The following CEACAM21 variants were observed in gnomAD, a reference collection of about 807,000 sequenced individuals.
The protein encoded by CEACAM21 is cell adhesion molecule CEACAM21.
CEACAM21 carries 38 observed loss-of-function variants against 33.2 expected under a neutral mutation model. The observed-to-expected ratio is 1.14, with a 90% CI of 0.88 to 1.50. The LOEUF is 1.50. CEACAM21 is among the 40% of genes most tolerant of loss of function. The pLI is 0.00. For missense variants in CEACAM21, 385 were observed against 364.6 expected, an observed-to-expected ratio of 1.06 and a Z score of -0.46; for synonymous variants, 156 against 143.0, an observed-to-expected ratio of 1.09 and a Z score of -0.65.
intron 1 of CEACAM21, among the ~76,000 whole-genome samples, chr19:41,559,536 G>A (rs957588703): frequency 4.6e-5 from 7 of 151,808 alleles, no homozygotes; most frequent in African/African-American, 1.7e-4. Context: ...GTTTCAAACA[G>A]GAAAAGAAAT....
chr19:41,582,321 C>T (rs1302518547), intron 3 of CEACAM21, among the ~76,000 whole-genome samples: 5 of 152,230 alleles, frequency 3.3e-5, no homozygotes, highest in African/African-American at 1.2e-4. Context: ...CATAGGCTGG[C>T]GTTGAGTGTC....
intron 6 of CEACAM21, 34 bp from the exon 7 acceptor site, chr19:41,586,430 C>T (rs2070741188): frequency 1.6e-6 from 1 of 629,172 alleles, no homozygotes; most frequent in African/African-American, 1.8e-5. Context: ...CTGAGAAGGC[C>T]TCAGGGGTCA....
intron 1 of CEACAM21, among the ~76,000 whole-genome samples, chr19:41,563,803 C>G (rs565857082): frequency 3.3e-5 from 5 of 152,350 alleles, no homozygotes; most frequent in African/African-American, 1.2e-4. Flanking sequence ...ACAAGGGGCT[C>G]TCAGCACAGG....
At chr19:41,582,132 G>A (rs142825140) in intron 3 of CEACAM21, among the ~76,000 whole-genome samples, 3 of 152,216 alleles carry the variant, frequency 2.0e-5, no homozygotes, top group Non-Finnish European at 4.4e-5. Flanking sequence ...AAACAAAGGG[G>A]CTACAGGCCC....
chr19:41,569,643 T>G (rs1555789013), intron 2 of CEACAM21, among the ~76,000 whole-genome samples: 1 of 151,982 alleles, frequency 6.6e-6, no homozygotes. Context: ...TTGCAGCAGC[T>G]GCACAAATAG....
intron 2 of CEACAM21, 28 bp from the exon 3 acceptor site, chr19:41,579,325 C>T: frequency 6.2e-7 from 1 of 1,613,980 alleles, no homozygotes; most frequent in Middle Eastern, 1.6e-4. Context: ...GGCCCCAAGA[C>T]ACTTTCTGTT....
chr19:41,557,613 G>A (rs1484507954), intron 1 of CEACAM21, among the ~76,000 whole-genome samples: 1 of 152,130 alleles, frequency 6.6e-6, no homozygotes, highest in Non-Finnish European at 1.5e-5. Context: ...CACCCTTCTA[G>A]TCCTGTGTGT....
intron 2 of CEACAM21, among the ~76,000 whole-genome samples, chr19:41,570,123 G>T (rs2042508655): frequency 6.6e-6 from 1 of 152,200 alleles, no homozygotes; most frequent in South Asian, 2.1e-4. Flanking sequence ...GACTGGGGGT[G>T]TCAGGAGAGC....
chr19:41,584,383 TGG>T lies in CEACAM21; in HGVS notation c.738_739del (p.Val247TrpfsTer25). The T allele has an allele frequency of 6.2e-7, 1 of 1,611,898 alleles. No homozygotes were observed. The highest frequency in any genetic ancestry group is 8.5e-7 in the Non-Finnish European group (1 of 1,178,916). ...ACTCTAGGCATCCTGATCGGGGTCCTGGTTGGGAGTCTTCTGGTGGCTGCACT... is the reference window on the plus strand; with the variant it reads ...ACTCTAGGCATCCTGATCGGGGTCCTTTGGGAGTCTTCTGGTGGCTGCACT... On this transcript the variant is annotated frameshift_variant, in exon 4 of 7. Transcript: ENST00000401445. LOFTEE classifies it high-confidence loss of function.
intron 1 of CEACAM21, among the ~76,000 whole-genome samples, chr19:41,554,259 G>A (rs1555785045): frequency 6.6e-6 from 1 of 151,926 alleles, no homozygotes; most frequent in African/African-American, 2.4e-5. Flanking sequence ...TTGCATTTAA[G>A]AGCACCTGTT....
chr19:41,558,413 C>T (rs782219873), intron 1 of CEACAM21, among the ~76,000 whole-genome samples: 6 of 152,060 alleles, frequency 3.9e-5, no homozygotes, highest in Non-Finnish European at 7.4e-5. Flanking sequence ...TTTGGGAGGC[C>T]GAGGCAGGTA....
At chr19:41,557,986 A>C (rs1901111939) in intron 1 of CEACAM21, among the ~76,000 whole-genome samples, 1 of 152,148 alleles carries the variant, frequency 6.6e-6, no homozygotes, top group Non-Finnish European at 1.5e-5. Context: ...ATCTCCAAAA[A>C]CCATGCCAAG....
At chr19:41,572,246 T>C (rs1555789681), upstream of CEACAM21, among the ~76,000 whole-genome samples, 5 of 152,192 alleles carry the variant, frequency 3.3e-5, no homozygotes. Flanking sequence ...TTCTGGTATA[T>C]TGCAATGATG....
chr19:41,584,537 C>T (rs952267914), intron 4 of CEACAM21, 94 bp downstream of exon 4: 3 of 1,108,808 alleles, frequency 2.7e-6, no homozygotes, highest in African/African-American at 3.1e-5. Context: ...GCCAGGCTCT[C>T]CCCAGCCTCC....
intron 1 of CEACAM21, among the ~76,000 whole-genome samples, chr19:41,558,059 C>T (rs545899162): frequency 3.9e-5 from 6 of 152,256 alleles, no homozygotes; most frequent in East Asian, 1.9e-4. Flanking sequence ...TATTTTCAGG[C>T]GATAAACAAC....
At chr19:41,555,521 A>T (rs2041478631) in intron 1 of CEACAM21, 1 of 151,852 alleles carries the variant, frequency 6.6e-6, no homozygotes, top group African/African-American at 2.4e-5. Context: ...AGTTTATAGG[A>T]TCTAATTTTA....
At chr19:41,569,655 G>C (rs1461816017) in intron 2 of CEACAM21, among the ~76,000 whole-genome samples, 4 of 148,850 alleles carry the variant, frequency 2.7e-5, no homozygotes, top group Admixed American at 6.6e-5. Context: ...CACAAATAGA[G>C]AGCCCTGGCC....
At chr19:41,575,337 T>C (rs782175389), upstream of CEACAM21, among the ~76,000 whole-genome samples, 137 of 152,258 alleles carry the variant, frequency 9.0e-4, no homozygotes, top group Non-Finnish European at 1.7e-3. Context: ...TCAGTACATT[T>C]ATCTTATGTA....
upstream of CEACAM21, among the ~76,000 whole-genome samples, chr19:41,573,560 C>G (rs2042745303): frequency 6.6e-6 from 1 of 152,186 alleles, no homozygotes; most frequent in African/African-American, 2.4e-5. Flanking sequence ...GATATGAAGT[C>G]TGAAGGAGAT....
Sources: allele counts gnomAD v4.1 joint callset (sites outside exome capture counted in the v4.1 genomes callset), GRCh38; gene constraint gnomAD v4.1.1; transcripts MANE v1.5; gene names NCBI Gene and HGNC (gene_info 2026-07-23, HGNC 2026-07-21).